Variants in PTK2 observed in about 807,000 individuals in gnomAD.
The protein encoded by PTK2 is focal adhesion kinase 1.
In PTK2, 45 loss-of-function variants were observed where a neutral mutation model predicts 150.1. That is an observed-to-expected ratio of 0.30 (90% confidence interval 0.24 to 0.38). The LOEUF is 0.38. Among genes scored for constraint, PTK2 ranks in the 10% least tolerant of loss-of-function variants. PTK2 has a pLI of 1.00. For missense variants in PTK2, 919 were observed against 1,307.3 expected, an observed-to-expected ratio of 0.70 and a Z score of 4.58; for synonymous variants, 432 against 449.2, an observed-to-expected ratio of 0.96 and a Z score of 0.48.
chr8:140,969,611 G>A (rs951281366), intron 1 of PTK2, among the ~76,000 whole-genome samples: 5 of 152,156 alleles, frequency 3.3e-5, no homozygotes, highest in Admixed American at 6.5e-5. Flanking sequence ...CTCACAGGTG[G>A]TTTCTTTCCA....
chr8:140,668,685 C>T (rs1465833244), intron 29 of PTK2: 1 of 305,200 alleles, frequency 3.3e-6, no homozygotes, highest in Non-Finnish European at 6.0e-6. Flanking sequence ...TACTAAAAAC[C>T]CCAGATTCTT....
intron 28 of PTK2, 95 bp from the exon 32 acceptor site, chr8:140,674,499 G>T: frequency 8.8e-7 from 1 of 1,136,576 alleles, no homozygotes; most frequent in South Asian, 1.3e-5. Context: ...CAGCACTTTG[G>T]GAGGCTGAAG....
intron 22 of PTK2, chr8:140,721,929 T>C (rs2100043106): frequency 6.6e-6 from 1 of 152,258 alleles, no homozygotes; most frequent in South Asian, 2.1e-4. Context: ...AAAGGCATTG[T>C]AAATATCTGT....
intron 3 of PTK2, among the ~76,000 whole-genome samples, chr8:140,884,037 C>A (rs1339226757): frequency 6.6e-6 from 1 of 151,992 alleles, no homozygotes; most frequent in Admixed American, 6.6e-5. Context: ...CTTTCATATT[C>A]ACCTCCCACT....
intron 14 of PTK2, among the ~76,000 whole-genome samples, chr8:140,768,722 T>C (rs1301901284): frequency 6.6e-6 from 1 of 152,228 alleles, no homozygotes; most frequent in Non-Finnish European, 1.5e-5. Context: ...AAGCTCTAGA[T>C]GAATTGCAGC....
At chr8:140,837,091 A>G (rs1402551599) in intron 7 of PTK2, among the ~76,000 whole-genome samples, 13 of 152,156 alleles carry the variant, frequency 8.5e-5, no homozygotes, top group Admixed American at 8.5e-4. Flanking sequence ...TTTTTCTTAA[A>G]ACATTTGACC....
chr8:140,889,776 C>A (rs963437787), intron 3 of PTK2, among the ~76,000 whole-genome samples: 6 of 152,124 alleles, frequency 3.9e-5, no homozygotes, highest in Non-Finnish European at 1.5e-5. Flanking sequence ...AAATACTGAA[C>A]ATTTAAATAC....
chr8:140,983,909 C>T (rs1294455275), intron 1 of PTK2: 4 of 152,304 alleles, frequency 2.6e-5, no homozygotes. Context: ...AATCCCAACA[C>T]TTTGGGAGGC....
At chr8:140,854,876 T>G (rs1383371002) in intron 5 of PTK2, among the ~76,000 whole-genome samples, 1 of 152,012 alleles carries the variant, frequency 6.6e-6, no homozygotes, top group Non-Finnish European at 1.5e-5. Context: ...GAGTTTATTG[T>G]AATCTATTTC....
intron 10 of PTK2, among the ~76,000 whole-genome samples, chr8:140,811,819 A>G (rs1202875470): frequency 6.6e-6 from 1 of 152,256 alleles, no homozygotes; most frequent in Admixed American, 6.5e-5. Context: ...AGAATTTCAG[A>G]GCTTGAAAGC....
At chr8:140,721,062 C>T (rs747745783) in intron 22 of PTK2, among the ~76,000 whole-genome samples, 3 of 151,236 alleles carry the variant, frequency 2.0e-5, no homozygotes, top group Non-Finnish European at 2.9e-5. Flanking sequence ...TGGCCTCCTA[C>T]CTTTCTTTCT....
rs1484038839 is a variant in PTK2 at position 140,752,325 on chromosome 8, G to A, written c.1333-9C>T. Reference sequence around the variant, plus strand: ...GCCAAAGCTGGATTCTCCTGTGTTAGGGAAATTATAGAATCACACACACAT... The same window carrying A: ...GCCAAAGCTGGATTCTCCTGTGTTAAGGAAATTATAGAATCACACACACAT... On this transcript the variant is annotated splice_polypyrimidine_tract_variant and intron_variant, in intron 16 of 31. Coordinates refer to ENST00000522684, the Ensembl canonical transcript of PTK2. 1 of 1,611,860 alleles carries A rather than the reference G, an allele frequency of 6.2e-7. No homozygotes were observed. The highest frequency in any genetic ancestry group is 1.1e-5 in the South Asian group (1 of 91,022).
At chr8:140,710,052 G>T (rs1246384974) in intron 23 of PTK2, among the ~76,000 whole-genome samples, 1 of 152,170 alleles carries the variant, frequency 6.6e-6, no homozygotes, top group Non-Finnish European at 1.5e-5. Context: ...AGTGGCTCAT[G>T]TCTGTAATCT....
chr8:140,879,612 C>G lies in PTK2; in HGVS notation c.221G>C (p.Ser74Thr), dbSNP rs141575134. Residue 74 changes from serine (S) to threonine (T), a missense_variant, in exon 4 of 32, where the codon AGT (serine) becomes ACT (threonine). By Grantham distance (58) the Ser-to-Thr change is moderately conservative (BLOSUM62 1). This residue lies in a region of PTK2 where 555 missense variants were observed against 880.1 expected (regional missense o/e 0.63). Coordinates refer to ENST00000522684, the Ensembl canonical transcript of PTK2. ...GCAGGCCACATGCTTTACTTTGTGA[C>G]TGTCCACTATCTTCTGAATGATGCC... is the stretch of plus-strand genomic sequence containing the variant. 106 of 1,357,470 alleles carry G rather than the reference C, an allele frequency of 7.8e-5. No homozygotes were observed. The highest frequency in any genetic ancestry group is 6.4e-5 in the Admixed American group (3 of 47,080). The allele number at this position is 1,357,470 out of a possible 1,614,324, so 84.1% of individuals were successfully genotyped here. A position where few individuals can be genotyped will look rare whatever the true frequency, so the allele number is the denominator to read the frequency against.
At chr8:140,686,744 T>C in intron 26 of PTK2, 50 bp from the exon 30 acceptor site, 2 of 1,493,562 alleles carry the variant, frequency 1.3e-6, no homozygotes, top group East Asian at 2.3e-5. Context: ...GATTTGAAAA[T>C]TTTTGACAGA....
chr8:140,678,953 T>A (rs1404958318), intron 27 of PTK2, among the ~76,000 whole-genome samples: 1 of 150,710 alleles, frequency 6.6e-6, no homozygotes, highest in East Asian at 1.9e-4. Context: ...TAAATTTATG[T>A]GGTGCCTGTT....
intron 30 of PTK2, among the ~76,000 whole-genome samples, chr8:140,667,498 A>C (rs1216881048): frequency 9.2e-5 from 13 of 141,974 alleles, no homozygotes; most frequent in African/African-American, 1.1e-4. Context: ...ATGGGGTTTC[A>C]CCATGTTGGC....
chr8:140,685,075 C>T (rs575019251), intron 27 of PTK2, among the ~76,000 whole-genome samples: 63 of 152,194 alleles, frequency 4.1e-4, no homozygotes, highest in African/African-American at 1.4e-3. Context: ...AATACAGAGC[C>T]TAGAAATAAA....
chr8:140,968,172 A>G (rs2154609570), intron 1 of PTK2, among the ~76,000 whole-genome samples: 2 of 152,296 alleles, frequency 1.3e-5, no homozygotes, highest in South Asian at 4.1e-4. Context: ...AATACCCTAA[A>G]AGAGGCTGTA....
Sources: gnomAD v4.1 joint callset for allele counts (sites outside exome capture counted in the v4.1 genomes callset) on GRCh38, gnomAD v4.1.1 for gene constraint, gnomAD v4.1.1 regional missense constraint, MANE v1.5 for transcripts, NCBI Gene and HGNC (gene_info 2026-07-23, HGNC 2026-07-21) for gene names.